MAP3K5: variants seen among roughly 807,000 people sequenced by gnomAD.
MAP3K5 encodes the protein ASK-1.
A neutral mutation model predicts 158.7 loss-of-function variants in MAP3K5; 56 were observed. The ratio of observed to expected loss-of-function variants is 0.35; its 90% CI spans 0.28 to 0.44. MAP3K5 has a LOEUF of 0.44. MAP3K5 is among the 20% of genes least tolerant of loss of function. The pLI is 1.00. For missense variants in MAP3K5, 1,294 were observed against 1,674.8 expected (o/e 0.77, Z 3.97); for synonymous variants, 579 against 601.7 (o/e 0.96, Z 0.55).
intron 25 of MAP3K5, among the ~76,000 whole-genome samples, chr6:136,570,172 C>A (rs537334754): frequency 3.3e-5 from 5 of 152,300 alleles, no homozygotes; most frequent in African/African-American, 1.2e-4. Flanking sequence ...GGACCCCATC[C>A]CACCATTCGT....
intron 2 of MAP3K5, among the ~76,000 whole-genome samples, chr6:136,707,758 G>C (rs1264376488): frequency 1.3e-5 from 2 of 152,180 alleles, no homozygotes; most frequent in Admixed American, 6.5e-5. Flanking sequence ...AGAAGTATCA[G>C]CACGTATTGG....
At chr6:136,658,996 A>G (rs2272887) in intron 9 of MAP3K5, among the ~76,000 whole-genome samples, 31,501 of 152,210 alleles carry the variant, frequency 0.21, 3,762 homozygotes, top group East Asian at 0.5. Flanking sequence ...GGGTTGGTCA[A>G]TGTGCAGGAG....
At chr6:136,687,508 T>A (rs1780200746) in intron 7 of MAP3K5, among the ~76,000 whole-genome samples, 1 of 151,916 alleles carries the variant, frequency 6.6e-6, no homozygotes, top group Admixed American at 6.6e-5. Context: ...TGGGAGAAAA[T>A]TTTTGCTATC....
intron 1 of MAP3K5, among the ~76,000 whole-genome samples, chr6:136,785,182 T>G (rs2115055092): frequency 6.6e-6 from 1 of 152,354 alleles, no homozygotes; most frequent in Non-Finnish European, 1.5e-5. Context: ...TGTTTTGTTT[T>G]ATTGTTTTAC....
At chr6:136,689,884 G>A (rs1369937685) in intron 7 of MAP3K5, among the ~76,000 whole-genome samples, 1 of 151,866 alleles carries the variant, frequency 6.6e-6, no homozygotes, top group Non-Finnish European at 1.5e-5. Context: ...AATGATCTAA[G>A]ATTTCTAAAA....
At chr6:136,771,658 C>T (rs754815202) in intron 1 of MAP3K5, among the ~76,000 whole-genome samples, 1 of 152,166 alleles carries the variant, frequency 6.6e-6, no homozygotes, top group Non-Finnish European at 1.5e-5. Flanking sequence ...TCTGAAGAAG[C>T]AGTCACAGAG....
intron 7 of MAP3K5, among the ~76,000 whole-genome samples, chr6:136,673,938 T>G (rs191904317): frequency 1.0e-3 from 159 of 151,976 alleles, no homozygotes; most frequent in African/African-American, 3.7e-3. Flanking sequence ...CAGGATAAAA[T>G]AAGATAATTA....
chr6:136,770,867 C>T (rs1784169621), intron 1 of MAP3K5, among the ~76,000 whole-genome samples: 1 of 152,054 alleles, frequency 6.6e-6, no homozygotes, highest in African/African-American at 2.4e-5. Context: ...GTCAGGAATT[C>T]ACACAAAAAT....
chr6:136,748,307 G>A (rs954251902), intron 1 of MAP3K5, among the ~76,000 whole-genome samples: 24 of 152,142 alleles, frequency 1.6e-4, no homozygotes, highest in African/African-American at 5.3e-4. Context: ...CATTTGAACC[G>A]TATTAATTTA....
At chr6:136,585,737 T>A (rs994793731) in intron 23 of MAP3K5, among the ~76,000 whole-genome samples, 3 of 151,936 alleles carry the variant, frequency 2.0e-5, no homozygotes, top group Non-Finnish European at 4.4e-5. Flanking sequence ...CCTCAAGTGA[T>A]CCACCTGCCT....
chr6:136,565,863 T>C (rs1774082478), intron 26 of MAP3K5, among the ~76,000 whole-genome samples: 1 of 152,130 alleles, frequency 6.6e-6, no homozygotes, highest in Admixed American at 6.5e-5. Flanking sequence ...GAGATATTAC[T>C]GAAAAAGGAA....
intron 25 of MAP3K5, among the ~76,000 whole-genome samples, chr6:136,578,585 C>A (rs139560618): frequency 1.6e-4 from 25 of 152,178 alleles, no homozygotes; most frequent in Admixed American, 3.3e-4. Context: ...TAGGTCCAGA[C>A]TCTCGGTGGC....
chr6:136,709,911 G>T (rs1781237484), intron 2 of MAP3K5, among the ~76,000 whole-genome samples: 1 of 152,114 alleles, frequency 6.6e-6, no homozygotes, highest in South Asian at 2.1e-4. Flanking sequence ...CAGCCTGGGT[G>T]ACAAGAGAGT....
chr6:136,757,927 C>G (rs546209286), intron 1 of MAP3K5, among the ~76,000 whole-genome samples: 1 of 152,202 alleles, frequency 6.6e-6, no homozygotes, highest in African/African-American at 2.4e-5. Flanking sequence ...ACTGAAATAT[C>G]TGAATATATT....
chr6:136,581,057 T>C (rs1484955099), intron 24 of MAP3K5, among the ~76,000 whole-genome samples: 6 of 152,182 alleles, frequency 3.9e-5, no homozygotes, highest in African/African-American at 1.4e-4. Context: ...CCGCCATCCA[T>C]CCACAGAACT....
chr6:136,572,018 C>A (rs1774391655), intron 25 of MAP3K5, among the ~76,000 whole-genome samples: 1 of 152,176 alleles, frequency 6.6e-6, no homozygotes, highest in Non-Finnish European at 1.5e-5. Context: ...AAGTCAAAAT[C>A]ATGTGTTTTA....
chr6:136,660,205 A>G (rs1365296211), intron 8 of MAP3K5, among the ~76,000 whole-genome samples: 1 of 152,218 alleles, frequency 6.6e-6, no homozygotes, highest in Non-Finnish European at 1.5e-5. Context: ...TCGCAAGAAT[A>G]AAATGCTATA....
chr6:136,692,873 T>C (rs1780446510), intron 7 of MAP3K5, among the ~76,000 whole-genome samples: 1 of 152,068 alleles, frequency 6.6e-6, no homozygotes, highest in South Asian at 2.1e-4. Flanking sequence ...GGAAGATCAC[T>C]TGAGCTCAGG....
intron 7 of MAP3K5, among the ~76,000 whole-genome samples, chr6:136,670,855 C>T (rs977883675): frequency 1.3e-5 from 2 of 152,116 alleles, no homozygotes; most frequent in South Asian, 2.1e-4. Context: ...AAAGGTACCA[C>T]TGCATCACCA....
Sources: allele counts gnomAD v4.1 joint callset (sites outside exome capture counted in the v4.1 genomes callset), GRCh38; gene constraint gnomAD v4.1.1; transcripts MANE v1.5; gene names NCBI Gene and HGNC (gene_info 2026-07-23, HGNC 2026-07-21).